Variants in CACNG7 observed in about 807,000 individuals in gnomAD.
CACNG7 encodes voltage-dependent calcium channel gamma-7 subunit.
In CACNG7, 9 loss-of-function variants were observed where a neutral mutation model predicts 26.3. That is an observed-to-expected ratio of 0.34 (90% CI 0.21 to 0.60). CACNG7 has a LOEUF of 0.60. Among genes scored for constraint, CACNG7 ranks in the 20% least tolerant of loss-of-function variants. CACNG7 has a pLI of 0.81. For missense variants in CACNG7, 297 were observed against 380.4 expected, an observed-to-expected ratio of 0.78 and a Z score of 1.82; for synonymous variants, 170 against 157.0, an observed-to-expected ratio of 1.08 and a Z score of -0.62.
chr19:53,924,367 C>A (rs548912626), intron 4 of CACNG7, among the ~76,000 whole-genome samples: 1 of 144,070 alleles, frequency 6.9e-6, no homozygotes, highest in Non-Finnish European at 1.5e-5. Flanking sequence ...GAGTTGTCCC[C>A]AGGTCTGGTC....
intron 4 of CACNG7, among the ~76,000 whole-genome samples, chr19:53,934,007 C>G (rs991638922): frequency 6.6e-6 from 1 of 152,132 alleles, no homozygotes; most frequent in African/African-American, 2.4e-5. Context: ...AAACAATTCT[C>G]GTGCCTCAGC....
chr19:53,931,690 A>G (rs1381069068), intron 4 of CACNG7, among the ~76,000 whole-genome samples: 1 of 138,560 alleles, frequency 7.2e-6, no homozygotes, highest in African/African-American at 3.3e-5. Flanking sequence ...CTGTCTAAAA[A>G]AAAAAAAAAA....
rs1438016716 is a variant in CACNG7, at chr19:53,942,163, A to G, written c.698A>G (p.Gln233Arg). ...TCCGACTACTCGGGCCAGTTCCTGC[A>G]GCCCGAGGCGTGGCGCCGCGGCCGG... Reference protein sequence around the residue: ...DCSDYSGQFLQPEAWRRGRSP... With the variant: ...DCSDYSGQFLRPEAWRRGRSP... The change falls in exon 6 of 6, where the codon CAG (glutamine) becomes CGG (arginine). Residue 233 changes from glutamine (Q) to arginine (R), a missense_variant. Gln to Arg is a conservative substitution (Grantham distance 43). Coordinates refer to ENST00000391767, the MANE Select transcript of CACNG7 (RefSeq NM_031896.5). This position sits in a 1 kb window ranked among gnomAD's most constrained non-coding sequence, Gnocchi z 5.9. 3.1e-6 allele frequency: 5 copies of G among 1,613,924 alleles called. No individual in the cohort carries two copies. The African/African-American group carries it at 6.7e-5, about 22-fold the overall frequency.
chr19:53,914,523 G>A lies in CACNG7; in HGVS notation c.220G>A (p.Ala74Thr). 6.2e-7 allele frequency: 1 copy of A among 1,614,106 alleles called. No individual in the cohort carries two copies. Among genetic ancestry groups the A allele is most frequent in the Non-Finnish European group, 8.5e-7 (1 of 1,180,016 alleles). Residue 74 changes from alanine (A) to threonine (T), a missense_variant, in exon 3 of 6, where the codon GCC becomes ACC. By Grantham distance (58) the Ala-to-Thr change is moderately conservative. Coordinates refer to ENST00000391767, the MANE Select transcript of CACNG7 (RefSeq NM_031896.5). ...FAGREKGRCV[A>T]SEYFLEPEIN... ...AGGTCGGGAGAAAGGTCGCTGTGTGGCCTCAGAATATTTTCTTGAACCGGA... is the reference window on the plus strand; with the variant it reads ...AGGTCGGGAGAAAGGTCGCTGTGTGACCTCAGAATATTTTCTTGAACCGGA...
chr19:53,923,979 G>T (rs1470010843), intron 4 of CACNG7, among the ~76,000 whole-genome samples: 1,043 of 83,298 alleles, frequency 0.013, no homozygotes, highest in African/African-American at 0.018. Context: ...TGGTGGAGTT[G>T]TCCCCAGGCC....
At chr19:53,915,331 C>G in intron 3 of CACNG7, 34 bp from the exon 4 acceptor site, 10 of 1,532,568 alleles carry the variant, frequency 6.5e-6, no homozygotes, top group Non-Finnish European at 9.0e-6. Context: ...GGAGATTCCC[C>G]CCTCACCCCT....
chr19:53,915,030 G>A (rs1328662721), intron 3 of CACNG7, among the ~76,000 whole-genome samples: 1 of 149,086 alleles, frequency 6.7e-6, no homozygotes, highest in African/African-American at 2.5e-5. Flanking sequence ...ATAAAAGGAA[G>A]GAAGAAAGAA....
intron 4 of CACNG7, among the ~76,000 whole-genome samples, chr19:53,924,043 C>CCTGGTCATTGGTGGAGTTGTCCCCAGGT (rs2068996201): frequency 1.1e-5 from 1 of 93,180 alleles, no homozygotes; most frequent in Non-Finnish European, 2.1e-5. Context: ...TTGCCCCAGG[C>CCTGGTCATTGGTGGAGTTGTCCCCAGGT]CTGGTCATTG....
intron 4 of CACNG7, among the ~76,000 whole-genome samples, chr19:53,920,230 C>T (rs1195396126): frequency 1.8e-5 from 1 of 54,072 alleles, no homozygotes; most frequent in African/African-American, 1.3e-4. Flanking sequence ...CCAGGCTGGT[C>T]ATTGGTGGAC....
chr19:53,941,795 T>G (rs1294837975), intron 5 of CACNG7, 180 bp downstream of exon 5: 39 of 881,928 alleles, frequency 4.4e-5, no homozygotes, highest in Non-Finnish European at 5.8e-5. Context: ...CTCCAACTTT[T>G]GGGATCCTGG....
Position 53,915,314 on chromosome 19 carries a change from T to C in CACNG7, c.284-51T>C, listed in dbSNP as rs1238801062. On this transcript the variant is annotated intron_variant, in intron 3 of 5. Coordinates refer to ENST00000391767, the MANE Select transcript of CACNG7 (RefSeq NM_031896.5). ...GCAGAGGTCAAGGAATGGGGAAGTG[T>C]CCCACTGGAGATTCCCCCCTCACCC... 24 of 1,388,466 alleles carry C rather than the reference T, an allele frequency of 1.7e-5. No homozygotes were observed. The Admixed American group carries it at 3.9e-4, about 22-fold the overall frequency. 86.0% of individuals were successfully genotyped at this position (1,388,466 alleles called of 1,614,324 possible). A position where few individuals can be genotyped will look rare whatever the true frequency, so the allele number is the denominator to read the frequency against.
intron 1 of CACNG7, among the ~76,000 whole-genome samples, chr19:53,911,032 A>G (rs966689361): frequency 1.5e-5 from 2 of 136,612 alleles, no homozygotes; most frequent in Non-Finnish European, 3.0e-5. Context: ...TCTGATGAGG[A>G]TGCTGGATTG....
chr19:53,914,417 CTCTA>C, intron 2 of CACNG7, 79 bp from the exon 3 acceptor site: 1 of 1,165,090 alleles, frequency 8.6e-7, no homozygotes, highest in Non-Finnish European at 1.3e-6. Context: ...GGGGTCTCCC[CTCTA>C]TCTGTCCTGC....
chr19:53,931,551 G>A (rs1318773698), intron 4 of CACNG7, among the ~76,000 whole-genome samples: 1 of 151,556 alleles, frequency 6.6e-6, no homozygotes. Context: ...AGCCAGGTGT[G>A]GTGGTGCATG....
chr19:53,913,652 C>T (rs1265352405), intron 2 of CACNG7, among the ~76,000 whole-genome samples: 4 of 151,664 alleles, frequency 2.6e-5, no homozygotes, highest in Admixed American at 2.6e-4. Context: ...TGACTGCTGG[C>T]ATGCACCTGT....
At chr19:53,924,395 CA>C in intron 4 of CACNG7, among the ~76,000 whole-genome samples, 1 of 144,450 alleles carries the variant, frequency 6.9e-6, no homozygotes, top group Middle Eastern at 4.2e-3. Flanking sequence ...GAGTTGTCCC[CA>C]GGCCTGGTCA....
intron 4 of CACNG7, among the ~76,000 whole-genome samples, chr19:53,931,705 A>G (rs1162250576): frequency 1.3e-5 from 2 of 148,638 alleles, no homozygotes; most frequent in African/African-American, 2.5e-5. Flanking sequence ...AAAAAAAAAA[A>G]AAAGAAAGGA....
intron 4 of CACNG7, among the ~76,000 whole-genome samples, chr19:53,920,136 G>T (rs2068930476): frequency 9.9e-6 from 1 of 100,858 alleles, no homozygotes. Flanking sequence ...TGGTGGACTT[G>T]CCCCAGGTCT....
intron 4 of CACNG7, among the ~76,000 whole-genome samples, chr19:53,935,886 C>T (rs1438042101): frequency 6.6e-6 from 1 of 151,324 alleles, no homozygotes; most frequent in Non-Finnish European, 1.5e-5. Flanking sequence ...AGTGATCCAC[C>T]TGCCTTGGCC....
Sources: allele counts gnomAD v4.1 joint callset (sites outside exome capture counted in the v4.1 genomes callset), GRCh38; gene constraint gnomAD v4.1.1; non-coding constraint Gnocchi (gnomAD v3.1); transcripts MANE v1.5; gene names NCBI Gene and HGNC (gene_info 2026-07-23, HGNC 2026-07-21).